The following B3GALT1 variants were observed in gnomAD, a reference collection of about 807,000 sequenced individuals.
The protein encoded by B3GALT1 is UDP-Gal:betaGlcNAc beta 1,3-galactosyltransferase, polypeptide 1.
B3GALT1 carries 10 observed loss-of-function variants against 23.2 expected under a neutral mutation model. That is an observed-to-expected ratio of 0.43 (90% CI 0.27 to 0.73). The LOEUF (loss-of-function observed/expected upper bound fraction) is 0.73. B3GALT1 is among the 30% of genes least tolerant of loss of function. The pLI is 0.21. For synonymous variants in B3GALT1, 156 were observed against 141.5 expected (o/e 1.10, Z -0.73); for missense variants, 299 against 405.4 (o/e 0.74, Z 2.25).
chr2:167,753,040 A>G (rs1039967559), intron 3 of B3GALT1, among the ~76,000 whole-genome samples: 3 of 152,330 alleles, frequency 2.0e-5, no homozygotes, highest in South Asian at 4.1e-4. Flanking sequence ...GGAAATAACC[A>G]TGAATGGGGC....
chr2:167,511,239 A>G (rs1699999317), intron 2 of B3GALT1, among the ~76,000 whole-genome samples: 1 of 152,164 alleles, frequency 6.6e-6, no homozygotes, highest in Non-Finnish European at 1.5e-5. Flanking sequence ...CTGTGTCCCC[A>G]CCCAAATCTC....
intron 3 of B3GALT1, among the ~76,000 whole-genome samples, chr2:167,734,298 G>C (rs1687458320): frequency 1.3e-5 from 2 of 151,666 alleles, no homozygotes; most frequent in Admixed American, 1.3e-4. Flanking sequence ...AGGATGTACA[G>C]GGGAAAAAAA....
chr2:167,512,727 C>T (rs1700044447), intron 2 of B3GALT1, among the ~76,000 whole-genome samples: 1 of 146,838 alleles, frequency 6.8e-6, no homozygotes, highest in African/African-American at 2.5e-5. Flanking sequence ...ACCTACAGCT[C>T]ATGGGCTCAA....
intron 2 of B3GALT1, among the ~76,000 whole-genome samples, chr2:167,583,085 C>A (rs1376982375): frequency 2.6e-5 from 4 of 152,192 alleles, no homozygotes; most frequent in African/African-American, 9.7e-5. Context: ...GGGAGAGGGA[C>A]AAGAACTCCT....
intron 2 of B3GALT1, among the ~76,000 whole-genome samples, chr2:167,643,415 A>C (rs1407456901): frequency 1.3e-5 from 2 of 152,188 alleles, no homozygotes; most frequent in Non-Finnish European, 2.9e-5. Context: ...AGAGAGGTGC[A>C]CTGGCATGAC....
chr2:167,306,816 C>G (rs1390534155), intron 1 of B3GALT1, among the ~76,000 whole-genome samples: 1 of 151,998 alleles, frequency 6.6e-6, no homozygotes, highest in Non-Finnish European at 1.5e-5. Context: ...TCAAATTAAT[C>G]TAACACTCTT....
chr2:167,871,892 T>C lies in B3GALT1; in HGVS notation c.*1872T>C, dbSNP rs12993392. 8 of 51,922 alleles carry C rather than the reference T, an allele frequency of 1.5e-4. No individual in the cohort carries two copies. In the East Asian group the frequency reaches 6.8e-3, roughly 44 times the overall value. The allele number at this position is 51,922 out of a possible 1,614,324, so 3.2% of individuals were successfully genotyped here. A position where few individuals can be genotyped will look rare whatever the true frequency, so the allele number is the denominator to read the frequency against. Reference sequence around the variant, plus strand: ...GAGTGTACCTTTTTTATTTATTTACTTTTTTTTTTTTTTTTTTTTTTTTTT... The same window carrying C: ...GAGTGTACCTTTTTTATTTATTTACCTTTTTTTTTTTTTTTTTTTTTTTTT... On this transcript the variant is annotated 3_prime_UTR_variant, in exon 5 of 5. Coordinates refer to ENST00000392690, the MANE Select transcript of B3GALT1 (RefSeq NM_020981.4).
intron 1 of B3GALT1, among the ~76,000 whole-genome samples, chr2:167,317,349 G>A (rs768552655): frequency 3.9e-5 from 6 of 152,116 alleles, no homozygotes; most frequent in South Asian, 2.1e-4. Flanking sequence ...GGGGCTCAGC[G>A]AGCCTCTTGT....
chr2:167,565,508 G>A (rs148695157), intron 2 of B3GALT1, among the ~76,000 whole-genome samples: 1 of 152,050 alleles, frequency 6.6e-6, no homozygotes, highest in Non-Finnish European at 1.5e-5. Context: ...TTGACAAATG[G>A]GATGTAATTA....
chr2:167,565,804 C>A (rs560437605), intron 2 of B3GALT1, among the ~76,000 whole-genome samples: 2 of 152,042 alleles, frequency 1.3e-5, no homozygotes, highest in Non-Finnish European at 2.9e-5. Flanking sequence ...CAATGAGATA[C>A]CATCTCACAC....
intron 3 of B3GALT1, among the ~76,000 whole-genome samples, chr2:167,754,306 G>T (rs1447094882): frequency 2.0e-5 from 3 of 152,164 alleles, no homozygotes; most frequent in Non-Finnish European, 4.4e-5. Flanking sequence ...TCAGAATGAG[G>T]CTATAATGCA....
At chr2:167,740,276 T>C (rs536377039) in intron 3 of B3GALT1, among the ~76,000 whole-genome samples, 2 of 152,178 alleles carry the variant, frequency 1.3e-5, no homozygotes, top group South Asian at 2.1e-4. Flanking sequence ...GTACCTACCA[T>C]CTCTAATTTC....
chr2:167,721,077 TTC>T (rs533569500), intron 3 of B3GALT1, among the ~76,000 whole-genome samples: 4 of 151,938 alleles, frequency 2.6e-5, no homozygotes, highest in African/African-American at 4.8e-5. Flanking sequence ...TTTCTCTCTC[TTC>T]TCTCTCTCTC....
At chr2:167,294,216 G>C (rs1343470806) in intron 1 of B3GALT1, among the ~76,000 whole-genome samples, 5 of 152,300 alleles carry the variant, frequency 3.3e-5, no homozygotes, top group African/African-American at 1.2e-4. Context: ...CCCAGGTTGA[G>C]ACCCGGCCTG....
chr2:167,853,335 AT>A (rs1689940156), intron 4 of B3GALT1, among the ~76,000 whole-genome samples: 2 of 152,076 alleles, frequency 1.3e-5, no homozygotes, highest in Admixed American at 1.3e-4. Context: ...CCCACAATCA[AT>A]TTTTCTCCTA....
At chr2:167,353,324 G>A (rs894795874) in intron 1 of B3GALT1, among the ~76,000 whole-genome samples, 4 of 152,190 alleles carry the variant, frequency 2.6e-5, no homozygotes, top group African/African-American at 9.6e-5. Context: ...AGGGTTCCAA[G>A]AGGAGAGTCA....
intron 3 of B3GALT1, among the ~76,000 whole-genome samples, chr2:167,655,094 C>T (rs901568790): frequency 9.2e-5 from 14 of 152,142 alleles, no homozygotes; most frequent in African/African-American, 3.1e-4. Context: ...ATTCTTTGAA[C>T]CTACTTAATC....
At chr2:167,527,513 T>C (rs1207824383) in intron 2 of B3GALT1, among the ~76,000 whole-genome samples, 1 of 152,156 alleles carries the variant, frequency 6.6e-6, no homozygotes, top group Non-Finnish European at 1.5e-5. Context: ...CTGAAAATCA[T>C]GTTATGCCAT....
chr2:167,529,608 G>A (rs183680111), intron 2 of B3GALT1, among the ~76,000 whole-genome samples: 23 of 150,246 alleles, frequency 1.5e-4, no homozygotes, highest in African/African-American at 5.1e-4. Flanking sequence ...GAGCACCACC[G>A]TCAGCTGTCC....
Sources: gnomAD v4.1 joint callset for allele counts (sites outside exome capture counted in the v4.1 genomes callset) on GRCh38, gnomAD v4.1.1 for gene constraint, MANE v1.5 for transcripts, NCBI Gene and HGNC (gene_info 2026-07-23, HGNC 2026-07-21) for gene names.